The following MSH3 variants were observed in gnomAD, a reference collection of about 807,000 sequenced individuals.
The protein encoded by MSH3 is DNA mismatch repair protein Msh3.
MSH3 carries 106 observed loss-of-function variants against 123.3 expected under a neutral mutation model. The ratio of observed to expected loss-of-function variants is 0.86; its 90% CI spans 0.73 to 1.01. The LOEUF (loss-of-function observed/expected upper bound fraction) is 1.01. Among genes scored for constraint, MSH3 ranks in the 50% least tolerant of loss-of-function variants. The probability of loss-of-function intolerance (pLI) is 0.00; values close to 1 mark genes in which losing one functional copy is unlikely to be tolerated. For synonymous variants in MSH3, 515 were observed against 481.4 expected, an observed-to-expected ratio of 1.07 and a Z score of -0.91; for missense variants, 1,459 against 1,347.6, an observed-to-expected ratio of 1.08 and a Z score of -1.29.
chr5:80,675,079 A>G lies in MSH3; in HGVS notation c.1124A>G (p.Lys375Arg). Reference sequence around the variant, plus strand: ...TATCTTCTGTGCATCTCTGAAAATAAGGAAAATGTTAGGGACAAAAAAAAG... The same window carrying G: ...TATCTTCTGTGCATCTCTGAAAATAGGGAAAATGTTAGGGACAAAAAAAAG... ...TSYLLCISEN[K>R]ENVRDKKKGN... The change falls in exon 7 of 24, where the codon AAG (lysine) becomes AGG (arginine). Residue 375 changes from lysine to arginine, a missense_variant. Lys to Arg is a conservative substitution (Grantham distance 26, BLOSUM62 2). Transcript: ENST00000265081. The G allele has an allele frequency of 6.2e-7, 1 of 1,613,882 alleles. No individual in the cohort carries two copies. The highest frequency in any genetic ancestry group is 8.5e-7 in the Non-Finnish European group (1 of 1,179,896).
chr5:80,717,552 G>T (rs1750988271), intron 8 of MSH3, among the ~76,000 whole-genome samples: 1 of 152,146 alleles, frequency 6.6e-6, no homozygotes, highest in Admixed American at 6.5e-5. Context: ...TGCCCAGCTA[G>T]TAGGTCTATT....
chr5:80,797,704 A>G (rs1432745550), intron 19 of MSH3, among the ~76,000 whole-genome samples: 1 of 152,332 alleles, frequency 6.6e-6, no homozygotes, highest in Admixed American at 6.5e-5. Context: ...TTCACTTTGC[A>G]TCACACAGAA....
chr5:80,810,530 G>A (rs1744992976), intron 19 of MSH3, among the ~76,000 whole-genome samples: 1 of 151,968 alleles, frequency 6.6e-6, no homozygotes, highest in Non-Finnish European at 1.5e-5. Context: ...TCCATATCTT[G>A]ACAGCATACT....
chr5:80,689,622 ATGAT>A (rs1750181751), intron 8 of MSH3, among the ~76,000 whole-genome samples: 1 of 152,118 alleles, frequency 6.6e-6, no homozygotes, highest in Non-Finnish European at 1.5e-5. Flanking sequence ...ATATAAATGA[ATGAT>A]TGTTTGGTAT....
chr5:80,784,349 G>A (rs1387846700), intron 17 of MSH3, among the ~76,000 whole-genome samples: 1 of 151,932 alleles, frequency 6.6e-6, no homozygotes, highest in Non-Finnish European at 1.5e-5. Context: ...AAACACCCAG[G>A]GCAGTTAGGT....
chr5:80,678,021 T>C (rs1749881177), intron 7 of MSH3, among the ~76,000 whole-genome samples: 3 of 152,214 alleles, frequency 2.0e-5, no homozygotes, highest in Admixed American at 6.5e-5. Flanking sequence ...TGCTGAATTA[T>C]AGGGTGTGGA....
chr5:80,707,574 A>G (rs868830110), intron 8 of MSH3, among the ~76,000 whole-genome samples: 1 of 121,450 alleles, frequency 8.2e-6, no homozygotes, highest in East Asian at 2.0e-4. Context: ...AAAAACAAAA[A>G]AACCCCAAAA....
Position 80,660,064 on chromosome 5 carries a change from T to C in MSH3, c.358+3533T>C, listed in dbSNP as rs7709529. On this transcript the variant is annotated intron_variant, in intron 2 of 23. Transcript: ENST00000265081. ...AAGGGAATAATAATAAAGTAAGAGA[T>C]GCATAGTCCATTTTCACACTGCTGA... 4.9e-3 allele frequency among the ~76,000 whole-genome samples: 747 copies of C among 152,260 alleles called. 3 individuals carry two copies. The highest frequency in any genetic ancestry group is 0.017 in the African/African-American group (721 of 41,536).
At chr5:80,835,032 C>G (rs988073476) in intron 20 of MSH3, among the ~76,000 whole-genome samples, 8 of 152,162 alleles carry the variant, frequency 5.3e-5, no homozygotes, top group African/African-American at 1.9e-4. Flanking sequence ...TGTCCAGCAC[C>G]AAGACTTTTT....
chr5:80,867,709 T>C (rs1746130096), intron 22 of MSH3, among the ~76,000 whole-genome samples: 1 of 152,256 alleles, frequency 6.6e-6, no homozygotes, highest in South Asian at 2.1e-4. Flanking sequence ...ACATGCTTGT[T>C]GGCCATGTAT....
At chr5:80,725,239 TAAAA>T (rs1195171402) in intron 8 of MSH3, among the ~76,000 whole-genome samples, 1 of 146,510 alleles carries the variant, frequency 6.8e-6, no homozygotes, top group Non-Finnish European at 1.5e-5. Flanking sequence ...AAAAAGATAA[TAAAA>T]AAATTAAAAA....
chr5:80,836,648 C>A (rs916220367), intron 20 of MSH3, among the ~76,000 whole-genome samples: 1 of 151,366 alleles, frequency 6.6e-6, no homozygotes, highest in South Asian at 2.1e-4. Flanking sequence ...ATGATCACAT[C>A]CCTGATATAA....
chr5:80,784,286 A>G (rs1744465720), intron 17 of MSH3, among the ~76,000 whole-genome samples: 1 of 151,510 alleles, frequency 6.6e-6, no homozygotes, highest in Non-Finnish European at 1.5e-5. Context: ...GAGCAGGAAT[A>G]ACAAGGCAAA....
chr5:80,836,634 G>A (rs990550116), intron 20 of MSH3, among the ~76,000 whole-genome samples: 2 of 150,060 alleles, frequency 1.3e-5, no homozygotes, highest in Admixed American at 6.7e-5. Flanking sequence ...ATGAAAATCT[G>A]CAGATGATCA....
At chr5:80,865,744 G>A (rs763823856) in intron 22 of MSH3, among the ~76,000 whole-genome samples, 11 of 152,060 alleles carry the variant, frequency 7.2e-5, no homozygotes, top group Non-Finnish European at 1.5e-4. Context: ...ATGCTGCAAT[G>A]GAAAATCCAT....
At chr5:80,733,766 A>C (rs1743454578) in intron 10 of MSH3, among the ~76,000 whole-genome samples, 1 of 152,172 alleles carries the variant, frequency 6.6e-6, no homozygotes, top group African/African-American at 2.4e-5. Context: ...TCAATGCCAC[A>C]GTTAGATAAC....
At chr5:80,721,775 ATAT>A (rs1221199833) in intron 8 of MSH3, among the ~76,000 whole-genome samples, 3 of 152,236 alleles carry the variant, frequency 2.0e-5, no homozygotes, top group East Asian at 3.8e-4. Context: ...TTTCAATAAA[ATAT>A]TATATCAAGG....
At chr5:80,700,592 G>A (rs1298748234) in intron 8 of MSH3, among the ~76,000 whole-genome samples, 1 of 151,418 alleles carries the variant, frequency 6.6e-6, no homozygotes, top group African/African-American at 2.4e-5. Context: ...GATACTTTTT[G>A]TATATCTAGC....
At chr5:80,818,446 C>A (rs543727238) in intron 20 of MSH3, among the ~76,000 whole-genome samples, 96 of 129,674 alleles carry the variant, frequency 7.4e-4, no homozygotes, top group Non-Finnish European at 1.4e-3. Flanking sequence ...GGGAAGAGAA[C>A]CTGCATATTA....
Sources: allele counts gnomAD v4.1 joint callset (sites outside exome capture counted in the v4.1 genomes callset), GRCh38; gene constraint gnomAD v4.1.1; transcripts MANE v1.5; gene names NCBI Gene and HGNC (gene_info 2026-07-23, HGNC 2026-07-21).